Variants in SLC25A23 observed in about 807,000 individuals in gnomAD.
SLC25A23 encodes the protein mitochondrial adenyl nucleotide antiporter SLC25A23.
In SLC25A23, 32 loss-of-function variants were observed where a neutral mutation model predicts 53.9. The observed-to-expected ratio is 0.59, with a 90% CI of 0.45 to 0.80. The LOEUF (loss-of-function observed/expected upper bound fraction) is 0.80, where lower values mean the gene tolerates loss of function less well. Among genes scored for constraint, SLC25A23 ranks in the 30% least tolerant of loss-of-function variants. SLC25A23 has a pLI of 0.00. For synonymous variants in SLC25A23, 275 were observed against 264.5 expected (o/e 1.04, Z -0.38); for missense variants, 575 against 651.4 (o/e 0.88, Z 1.28).
At chr19:6,436,227 C>A, downstream of SLC25A23, 5 of 285,480 alleles carry the variant, frequency 1.8e-5, no homozygotes, top group South Asian at 1.6e-4. Context: ...GCCGGCTGTT[C>A]CCGTGATCAG....
At chr19:6,458,452 C>A in intron 1 of SLC25A23, 128 bp from the exon 2 acceptor site, 2 of 990,394 alleles carry the variant, frequency 2.0e-6, no homozygotes, top group South Asian at 3.4e-5. Flanking sequence ...GAAGACGTCA[C>A]CCCACTTCTC....
At position 6,442,173 on chromosome 19, in the gene SLC25A23, G is replaced by T; in HGVS notation, c.1223-14C>A. 6.7e-7 allele frequency: 1 copy of T among 1,484,576 alleles called. No homozygotes were observed. Among genetic ancestry groups the T allele is most frequent in the Non-Finnish European group, 9.0e-7 (1 of 1,108,152 alleles). The allele number at this position is 1,484,576 out of a possible 1,614,324, so 92.0% of individuals were successfully genotyped here. A position where few individuals can be genotyped will look rare whatever the true frequency, so the allele number is the denominator to read the frequency against. On this transcript the variant is annotated splice_polypyrimidine_tract_variant and intron_variant, in intron 9 of 9. Coordinates refer to ENST00000301454, the MANE Select transcript of SLC25A23 (RefSeq NM_024103.3). ...CCTCGATGGAGGCTGGGAGGGGGCG[G>T]GGGGGGCACCAGGTAAGGCCAACGT...
At chr19:6,445,821 G>A (rs1434992660) in intron 8 of SLC25A23, among the ~76,000 whole-genome samples, 9 of 151,972 alleles carry the variant, frequency 5.9e-5, no homozygotes, top group African/African-American at 2.2e-4. Context: ...GGAGGCCGAG[G>A]CAAGAGGATC....
At position 6,447,765 on chromosome 19, in the gene SLC25A23, G is replaced by C. The variant is rs150675152; in HGVS notation, c.1072-3464C>G. 4.2e-3 allele frequency among the ~76,000 whole-genome samples: 644 copies of C among 152,294 alleles called. 3 individuals carry two copies. The highest frequency in any genetic ancestry group is 0.015 in the African/African-American group (615 of 41,548). On this transcript the variant is annotated intron_variant, in intron 8 of 9. Coordinates refer to ENST00000301454, the MANE Select transcript of SLC25A23 (RefSeq NM_024103.3). Reference sequence around the variant, plus strand: ...AGCTCACTGCAACCTCCACCTCCCGGGTTCAAGAAATTCTCCTGTCTTAGC... The same window carrying C: ...AGCTCACTGCAACCTCCACCTCCCGCGTTCAAGAAATTCTCCTGTCTTAGC...
intron 8 of SLC25A23, among the ~76,000 whole-genome samples, chr19:6,450,059 T>G (rs993122021): frequency 6.6e-6 from 1 of 151,920 alleles, no homozygotes; most frequent in Non-Finnish European, 1.5e-5. Context: ...GGTTTCACCA[T>G]GTTGGCCAGG....
chr19:6,441,131 T>G lies in SLC25A23; in HGVS notation c.*844A>C, dbSNP rs2092414718. On this transcript the variant is annotated 3_prime_UTR_variant, in exon 10 of 10. Coordinates refer to ENST00000301454, the MANE Select transcript of SLC25A23 (RefSeq NM_024103.3). ...GAATCTGGGATCCAGTGCCTGGGGG[T>G]GGAAGGCGTAGTGCTTGAAATGCAG... 6.6e-6 allele frequency: 1 copy of G among 150,560 alleles called. No individual in the cohort carries two copies. Among genetic ancestry groups the G allele is most frequent in the African/African-American group, 2.4e-5 (1 of 40,834 alleles). 9.3% of individuals were successfully genotyped at this position (150,560 alleles called of 1,614,324 possible).
rs200382046 is a variant in SLC25A23, at chr19:6,442,115, G to A, written c.1267C>T (p.Arg423Cys). The A allele has an allele frequency of 3.4e-5, 54 of 1,579,294 alleles. No homozygotes were observed. The highest frequency in any genetic ancestry group is 2.4e-4 in the African/African-American group (17 of 72,242). The change falls in exon 10 of 10, where the codon CGT (arginine) becomes TGT (cysteine). Residue 423 changes from arginine to cysteine, a missense_variant. Coordinates refer to ENST00000301454, the MANE Select transcript of SLC25A23 (RefSeq NM_024103.3). ...ATGCCCTCCTGGGACAGGATGTGAC[G>A]TAGCAGACCCAGCATGGACAGCTGG... ...GPQLSMLGLL[R>C]HILSQEGMRG...
chr19:6,445,830 T>C (rs942366451), intron 8 of SLC25A23, among the ~76,000 whole-genome samples: 8 of 151,932 alleles, frequency 5.3e-5, no homozygotes, highest in Non-Finnish European at 1.2e-4. Flanking sequence ...GGCAAGAGGA[T>C]CGTTTGAGCC....
At chr19:6,442,436 C>T (rs1349175541) in intron 9 of SLC25A23, among the ~76,000 whole-genome samples, 1 of 152,158 alleles carries the variant, frequency 6.6e-6, no homozygotes, top group African/African-American at 2.4e-5. Context: ...CAGGTTCCCT[C>T]CCTCCTTTCC....
At chr19:6,456,126 C>T in intron 4 of SLC25A23, 1 of 1,415,050 alleles carries the variant, frequency 7.1e-7, no homozygotes. Context: ...CCTTGTACCC[C>T]ATCTGGTGAG....
chr19:6,436,212 G>GCT, downstream of SLC25A23: 1 of 279,530 alleles, frequency 3.6e-6, no homozygotes, highest in Middle Eastern at 1.5e-3. Flanking sequence ...CTCAGGAGCC[G>GCT]CTGAGCCGGC....
intron 8 of SLC25A23, among the ~76,000 whole-genome samples, chr19:6,447,858 A>G (rs2092528830): frequency 6.6e-6 from 1 of 152,122 alleles, no homozygotes; most frequent in African/African-American, 2.4e-5. Context: ...TTTAGTAAAG[A>G]CAGGGTTTAA....
At chr19:6,457,454 G>A in intron 3 of SLC25A23, 49 bp downstream of exon 3, 1 of 1,516,346 alleles carries the variant, frequency 6.6e-7, no homozygotes, top group Non-Finnish European at 9.2e-7. Context: ...ATGGCCAAGG[G>A]GTCACTGTGT....
At chr19:6,453,875 G>C (rs931914291) in intron 7 of SLC25A23, 106 bp downstream of exon 7, 1 of 887,082 alleles carries the variant, frequency 1.1e-6, no homozygotes, top group Non-Finnish European at 1.7e-6. Context: ...AAATCAGAGA[G>C]GGACAAAGGT....
rs988295190 is a variant in SLC25A23 at position 6,445,956 on chromosome 19, G to T, written c.1072-1655C>A. On this transcript the variant is annotated intron_variant, in intron 8 of 9. Coordinates refer to ENST00000301454, the MANE Select transcript of SLC25A23 (RefSeq NM_024103.3). ...ACTGGATGTGATGGTGCATGCCTGTGGTCCCAGCTACTCAAGAGGCTGAAG... is the reference window on the plus strand; with the variant it reads ...ACTGGATGTGATGGTGCATGCCTGTTGTCCCAGCTACTCAAGAGGCTGAAG... 1.1e-4 allele frequency among the ~76,000 whole-genome samples: 16 copies of T among 152,148 alleles called. 1 individual carries two copies. The South Asian group carries it at 3.3e-3, about 32-fold the overall frequency.
intron 8 of SLC25A23, among the ~76,000 whole-genome samples, chr19:6,451,282 G>A (rs1425386902): frequency 2.0e-5 from 3 of 151,610 alleles, no homozygotes; most frequent in Admixed American, 6.6e-5. Context: ...CCAGCTACTC[G>A]GGAGACTGAG....
At chr19:6,455,976 C>T in intron 4 of SLC25A23, 3 of 1,279,926 alleles carry the variant, frequency 2.3e-6, no homozygotes, top group Non-Finnish European at 3.1e-6. Flanking sequence ...ACTTCGGCCT[C>T]CCAAAGTGCT....
chr19:6,442,949 T>G (rs867678167), intron 9 of SLC25A23, among the ~76,000 whole-genome samples: 2,038 of 148,768 alleles, frequency 0.014, 44 homozygotes, highest in African/African-American at 0.049. Context: ...TTTTTTTTTT[T>G]TTTTTGAGAC....
downstream of SLC25A23, among the ~76,000 whole-genome samples, chr19:6,439,136 C>A (rs569796326): frequency 2.0e-5 from 3 of 152,204 alleles, no homozygotes; most frequent in South Asian, 6.2e-4. Context: ...GGGAGGATCA[C>A]TTGAGCCCAG....
Sources: allele counts gnomAD v4.1 joint callset (sites outside exome capture counted in the v4.1 genomes callset), GRCh38; gene constraint gnomAD v4.1.1; transcripts MANE v1.5; gene names NCBI Gene and HGNC (gene_info 2026-07-23, HGNC 2026-07-21).